Variants in SGMS1 observed in about 807,000 individuals in gnomAD.
SGMS1 encodes the protein phosphatidylcholine:ceramide cholinephosphotransferase 1.
A neutral mutation model predicts 46.2 loss-of-function variants in SGMS1; 13 were observed. The observed-to-expected ratio is 0.28, with a 90% CI of 0.18 to 0.45. The LOEUF is 0.45. Among genes scored for constraint, SGMS1 ranks in the 20% least tolerant of loss-of-function variants. SGMS1 has a pLI of 1.00. For synonymous variants in SGMS1, 203 were observed against 187.8 expected (o/e 1.08, Z -0.66); for missense variants, 324 against 519.9 (o/e 0.62, Z 3.66).
chr10:50,461,369 G>A (rs1268579351), intron 4 of SGMS1, among the ~76,000 whole-genome samples: 1 of 151,994 alleles, frequency 6.6e-6, no homozygotes, highest in Non-Finnish European at 1.5e-5. Flanking sequence ...GGAAGCTAGA[G>A]ATAATGTCTT....
At chr10:50,429,864 A>G (rs1236219743) in intron 6 of SGMS1, among the ~76,000 whole-genome samples, 1 of 152,146 alleles carries the variant, frequency 6.6e-6, no homozygotes, top group Non-Finnish European at 1.5e-5. Flanking sequence ...TTCCCCAAAT[A>G]AGAAAAATTA....
chr10:50,584,946 G>A (rs1295099065), intron 2 of SGMS1, among the ~76,000 whole-genome samples: 1 of 152,226 alleles, frequency 6.6e-6, no homozygotes, highest in Non-Finnish European at 1.5e-5. Flanking sequence ...TCTGAGGACA[G>A]TGTAGGGGTG....
Position 50,307,418 on chromosome 10 carries a change from C to T in SGMS1, c.1063-97G>A. 2 of 970,544 alleles carry T rather than the reference C, an allele frequency of 2.1e-6. 1 individual carries two copies. The highest frequency in any genetic ancestry group is 3.3e-5 in the South Asian group (2 of 60,728). The allele number at this position is 970,544 out of a possible 1,614,324, so 60.1% of individuals were successfully genotyped here. On this transcript the variant is annotated intron_variant, in intron 10 of 10. Transcript: ENST00000361781. This position sits in a 1 kb window ranked among gnomAD's most constrained non-coding sequence, Gnocchi z 4.2. ...AAATTCCCAAAGGACTCCATACCTG[C>T]CCTGCGTGTCCACCCACATATCCCA...
intron 2 of SGMS1, among the ~76,000 whole-genome samples, chr10:50,549,638 T>C (rs1838131836): frequency 6.6e-6 from 1 of 152,172 alleles, no homozygotes; most frequent in Non-Finnish European, 1.5e-5. Context: ...CAAACCACCA[T>C]GGCACACGTT....
chr10:50,371,726 T>C (rs938902061), intron 6 of SGMS1, among the ~76,000 whole-genome samples: 6 of 152,210 alleles, frequency 3.9e-5, no homozygotes, highest in Admixed American at 3.9e-4. Context: ...GCATCCTCTC[T>C]GACTTAGTAC....
chr10:50,457,847 T>C (rs1033084904), intron 5 of SGMS1, among the ~76,000 whole-genome samples: 6 of 152,160 alleles, frequency 3.9e-5, no homozygotes, highest in Non-Finnish European at 8.8e-5. Context: ...AAAGAAATGG[T>C]GTACCTAAAA....
At chr10:50,509,439 T>C (rs1837735225) in intron 3 of SGMS1, among the ~76,000 whole-genome samples, 1 of 152,182 alleles carries the variant, frequency 6.6e-6, no homozygotes, top group Admixed American at 6.5e-5. Context: ...TGATAAGCCA[T>C]TCTAGGAAAA....
At chr10:50,530,488 T>C (rs976039888) in intron 2 of SGMS1, among the ~76,000 whole-genome samples, 2 of 152,166 alleles carry the variant, frequency 1.3e-5, no homozygotes, top group African/African-American at 4.8e-5. Context: ...AGAAGCAGAA[T>C]CTTCTTTTTT....
At chr10:50,386,196 G>C (rs188566389) in intron 6 of SGMS1, among the ~76,000 whole-genome samples, 4 of 152,258 alleles carry the variant, frequency 2.6e-5, no homozygotes, top group Admixed American at 2.6e-4. Flanking sequence ...AAATTGTAAA[G>C]ACTTCTCCAT....
intron 6 of SGMS1, among the ~76,000 whole-genome samples, chr10:50,376,596 C>T (rs535471916): frequency 5.9e-5 from 9 of 152,312 alleles, no homozygotes; most frequent in Admixed American, 3.3e-4. Context: ...CCCAACCCCA[C>T]GATAGGCCCC....
At chr10:50,378,860 A>G (rs1249430595) in intron 6 of SGMS1, among the ~76,000 whole-genome samples, 1 of 152,180 alleles carries the variant, frequency 6.6e-6, no homozygotes, top group Non-Finnish European at 1.5e-5. Context: ...CAATGCACTG[A>G]GCTTGGGGTT....
intron 2 of SGMS1, among the ~76,000 whole-genome samples, chr10:50,548,766 C>G (rs1275771341): frequency 6.6e-6 from 1 of 152,048 alleles, no homozygotes; most frequent in Non-Finnish European, 1.5e-5. Context: ...TCAGAGTGAA[C>G]AGACAACCTA....
At chr10:50,465,067 C>G (rs1441664832) in intron 4 of SGMS1, among the ~76,000 whole-genome samples, 1 of 152,062 alleles carries the variant, frequency 6.6e-6, no homozygotes, top group Non-Finnish European at 1.5e-5. Flanking sequence ...CTGTGGTGCC[C>G]CTTAATCCTC....
intron 5 of SGMS1, among the ~76,000 whole-genome samples, chr10:50,437,899 C>A (rs1849495492): frequency 6.6e-6 from 1 of 152,202 alleles, no homozygotes; most frequent in South Asian, 2.1e-4. Flanking sequence ...ACCCCAAATG[C>A]CCACTGACAA....
intron 1 of SGMS1, among the ~76,000 whole-genome samples, chr10:50,602,289 T>C (rs188733084): frequency 1.7e-3 from 263 of 152,336 alleles, no homozygotes; most frequent in Non-Finnish European, 3.3e-3. Flanking sequence ...AGCCACTCTG[T>C]GGCTCTGCAA....
At chr10:50,591,840 G>A (rs1838544162) in intron 1 of SGMS1, among the ~76,000 whole-genome samples, 2 of 152,212 alleles carry the variant, frequency 1.3e-5, no homozygotes, top group African/African-American at 4.8e-5. Flanking sequence ...TGACATCTCT[G>A]CATGATGGCC....
intron 6 of SGMS1, among the ~76,000 whole-genome samples, chr10:50,360,546 AACTG>A (rs371912428): frequency 7.9e-5 from 12 of 152,324 alleles, no homozygotes; most frequent in African/African-American, 2.4e-4. Context: ...ACTCCCACTC[AACTG>A]ACTAACTGCC....
At chr10:50,358,296 C>A (rs921586752) in intron 6 of SGMS1, among the ~76,000 whole-genome samples, 1 of 152,124 alleles carries the variant, frequency 6.6e-6, no homozygotes, top group Admixed American at 6.5e-5. Context: ...TGTGGGGTAC[C>A]TTGTTAAAGG....
chr10:50,390,806 T>A (rs541621281), intron 6 of SGMS1, among the ~76,000 whole-genome samples: 103 of 152,302 alleles, frequency 6.8e-4, no homozygotes, highest in African/African-American at 2.4e-3. Flanking sequence ...GTATCAAGTA[T>A]CTTGAGTCTC....
Sources: allele counts gnomAD v4.1 joint callset (sites outside exome capture counted in the v4.1 genomes callset), GRCh38; gene constraint gnomAD v4.1.1; non-coding constraint Gnocchi (gnomAD v3.1); transcripts MANE v1.5; gene names NCBI Gene and HGNC (gene_info 2026-07-23, HGNC 2026-07-21).